FHOD3: variants seen among roughly 807,000 people sequenced by gnomAD.
FHOD3 encodes the protein formin homology 2 domain containing 3, also known as FH1/FH2 domain-containing protein 3.
FHOD3 carries 90 observed loss-of-function variants against 173.0 expected under a neutral mutation model. That is an observed-to-expected ratio of 0.52 (90% CI 0.44 to 0.62). FHOD3 has a LOEUF of 0.62. Among genes scored for constraint, FHOD3 ranks in the 20% least tolerant of loss-of-function variants. The probability of loss-of-function intolerance (pLI) is 0.00; values close to 1 mark genes in which losing one functional copy is unlikely to be tolerated. For missense variants in FHOD3, 1,945 were observed against 2,034.7 expected (o/e 0.96, Z 0.85); for synonymous variants, 828 against 823.0 (o/e 1.01, Z -0.10).
At chr18:36,497,158 C>T (rs1490001481) in intron 3 of FHOD3, among the ~76,000 whole-genome samples, 1 of 152,082 alleles carries the variant, frequency 6.6e-6, no homozygotes, top group Non-Finnish European at 1.5e-5. Flanking sequence ...ACAATTTAAA[C>T]AAATGACTAT....
At chr18:36,465,913 A>C (rs1355768620) in intron 3 of FHOD3, among the ~76,000 whole-genome samples, 21 of 152,104 alleles carry the variant, frequency 1.4e-4, no homozygotes, top group Admixed American at 1.4e-3. Context: ...CATTTCGCCT[A>C]CTCAGACTGA....
At chr18:36,312,761 A>C (rs1166849091) in intron 1 of FHOD3, among the ~76,000 whole-genome samples, 3 of 152,212 alleles carry the variant, frequency 2.0e-5, no homozygotes, top group Admixed American at 2.0e-4. Context: ...TCACATGGGG[A>C]TTGCTCAGAA....
intron 1 of FHOD3, among the ~76,000 whole-genome samples, chr18:36,352,557 A>G (rs988312015): frequency 6.6e-6 from 1 of 152,168 alleles, no homozygotes; most frequent in Admixed American, 6.5e-5. Flanking sequence ...ATTCATGTGT[A>G]TGCTTGGCTT....
At chr18:36,669,554 T>C (rs1456774737) in intron 14 of FHOD3, among the ~76,000 whole-genome samples, 1 of 151,946 alleles carries the variant, frequency 6.6e-6, no homozygotes, top group African/African-American at 2.4e-5. Context: ...TAGCAATAAG[T>C]GTATTATTTT....
intron 27 of FHOD3, among the ~76,000 whole-genome samples, chr18:36,767,602 G>A (rs944579043): frequency 5.9e-5 from 9 of 152,148 alleles, no homozygotes; most frequent in African/African-American, 1.9e-4. Context: ...TTACAGACGT[G>A]AGCCACTGCA....
intron 28 of FHOD3, among the ~76,000 whole-genome samples, chr18:36,771,160 G>T (rs573025275): frequency 1.3e-5 from 2 of 152,190 alleles, no homozygotes; most frequent in African/African-American, 2.4e-5. Flanking sequence ...TCTCCTGGAG[G>T]CTTGTTGGAA....
intron 1 of FHOD3, among the ~76,000 whole-genome samples, chr18:36,316,752 T>A (rs150204288): frequency 0.087 from 13,265 of 152,132 alleles, 1,868 homozygotes; most frequent in African/African-American, 0.3. Context: ...CTTTAAGTTC[T>A]GGGGTACATG....
chr18:36,493,613 ACT>A (rs1260412198), intron 3 of FHOD3, among the ~76,000 whole-genome samples: 2 of 151,790 alleles, frequency 1.3e-5, no homozygotes, highest in Non-Finnish European at 2.9e-5. Context: ...TTTTTCACCA[ACT>A]CTCTCTGACT....
chr18:36,389,660 T>G (rs911124745), intron 3 of FHOD3, among the ~76,000 whole-genome samples: 1 of 152,202 alleles, frequency 6.6e-6, no homozygotes, highest in East Asian at 1.9e-4. Flanking sequence ...TAAAATGACG[T>G]AATATGGATT....
At chr18:36,639,294 C>T (rs1267801470) in intron 10 of FHOD3, among the ~76,000 whole-genome samples, 1 of 152,178 alleles carries the variant, frequency 6.6e-6, no homozygotes, top group African/African-American at 2.4e-5. Flanking sequence ...GTAATCCCAG[C>T]ACTTTGGGAG....
intron 1 of FHOD3, among the ~76,000 whole-genome samples, chr18:36,345,207 TG>T (rs2045823566): frequency 7.8e-6 from 1 of 127,858 alleles, no homozygotes; most frequent in African/African-American, 3.6e-5. Context: ...ATACAGAGTA[TG>T]TTTTTTTTTA....
chr18:36,526,138 G>A (rs146657524), intron 5 of FHOD3, among the ~76,000 whole-genome samples: 1 of 152,374 alleles, frequency 6.6e-6, no homozygotes, highest in East Asian at 1.9e-4. Flanking sequence ...GATGACTGCA[G>A]TGGGAGATCC....
chr18:36,714,063 A>T (rs554909843), intron 18 of FHOD3, among the ~76,000 whole-genome samples: 1 of 152,246 alleles, frequency 6.6e-6, no homozygotes. Flanking sequence ...GGAAGAAAAA[A>T]AAGTTGAGAA....
intron 3 of FHOD3, among the ~76,000 whole-genome samples, chr18:36,406,911 G>T (rs1427489149): frequency 6.6e-6 from 1 of 152,138 alleles, no homozygotes; most frequent in East Asian, 1.9e-4. Context: ...CTACGCATCC[G>T]CCCTCCAGTA....
chr18:36,646,512 G>T (rs1380161855), intron 10 of FHOD3, among the ~76,000 whole-genome samples: 2 of 152,142 alleles, frequency 1.3e-5, no homozygotes, highest in African/African-American at 4.8e-5. Flanking sequence ...AAGTTGACTT[G>T]TGAGAAAAAG....
intron 3 of FHOD3, among the ~76,000 whole-genome samples, chr18:36,480,720 T>C: frequency 6.6e-6 from 1 of 152,230 alleles, no homozygotes; most frequent in Admixed American, 6.5e-5. Context: ...ATTTGTTCTT[T>C]GTAGCAGCCT....
intron 1 of FHOD3, among the ~76,000 whole-genome samples, chr18:36,311,304 T>A (rs552708444): frequency 1.3e-5 from 2 of 152,250 alleles, no homozygotes; most frequent in East Asian, 3.9e-4. Context: ...GGGCTTACGA[T>A]GTGACCCTTT....
At chr18:36,666,417 G>A (rs2037184405) in intron 14 of FHOD3, among the ~76,000 whole-genome samples, 1 of 152,154 alleles carries the variant, frequency 6.6e-6, no homozygotes, top group Non-Finnish European at 1.5e-5. Context: ...TCTTTTTTCA[G>A]GGCAAGCAAA....
At chr18:36,600,802 G>A (rs1015214518) in intron 7 of FHOD3, among the ~76,000 whole-genome samples, 1 of 152,184 alleles carries the variant, frequency 6.6e-6, no homozygotes, top group Non-Finnish European at 1.5e-5. Flanking sequence ...TGGCTCCAGA[G>A]TAAGCAACCA....
Sources: gnomAD v4.1 joint callset for allele counts (sites outside exome capture counted in the v4.1 genomes callset) on GRCh38, gnomAD v4.1.1 for gene constraint, MANE v1.5 for transcripts, NCBI Gene and HGNC (gene_info 2026-07-23, HGNC 2026-07-21) for gene names.